The following IL1RAPL1 variants were observed in gnomAD, a reference collection of about 807,000 sequenced individuals.
IL1RAPL1 encodes interleukin-1 receptor accessory protein-like 1.
Under a neutral mutation model 48.4 loss-of-function variants are expected in IL1RAPL1, and 3 were observed. The ratio of observed to expected loss-of-function variants is 0.06; its 90% confidence interval spans 0.03 to 0.16. IL1RAPL1 has a LOEUF of 0.16. Among genes scored for constraint, IL1RAPL1 ranks in the 10% least tolerant of loss-of-function variants. IL1RAPL1 has a pLI of 1.00. For synonymous variants in IL1RAPL1, 185 were observed against 187.7 expected, an observed-to-expected ratio of 0.99 and a Z score of 0.12; for missense variants, 349 against 530.6, an observed-to-expected ratio of 0.66 and a Z score of 3.36.
At chrX:28,759,239 A>G (rs1936138400) in intron 1 of IL1RAPL1, among the ~76,000 whole-genome samples, 2 of 30,396 alleles carry the variant, frequency 6.6e-5, no homozygotes, top group South Asian at 2.4e-3. Flanking sequence ...ACTCCATCTC[A>G]AAAAAAAAAA....
chrX:28,657,358 T>C (rs888838820), intron 1 of IL1RAPL1, among the ~76,000 whole-genome samples: 6 of 112,109 alleles, frequency 5.4e-5, no homozygotes, highest in South Asian at 7.3e-4. Context: ...CCAGTTCCAG[T>C]AAAATTCAGA....
intron 3 of IL1RAPL1, among the ~76,000 whole-genome samples, chrX:29,381,525 A>C (rs1216812525): frequency 1.9e-4 from 18 of 95,904 alleles, no homozygotes; most frequent in Admixed American, 4.7e-4. Flanking sequence ...AAAAAAAAAA[A>C]AAAACTTAGC....
At chrX:29,153,385 A>G (rs1453499104) in intron 2 of IL1RAPL1, among the ~76,000 whole-genome samples, 1 of 111,677 alleles carries the variant, frequency 9.0e-6, no homozygotes, top group Non-Finnish European at 1.9e-5. Context: ...TTGGGAGGCC[A>G]TTATTCTGCC....
At chrX:29,161,231 A>G (rs1255028384) in intron 2 of IL1RAPL1, among the ~76,000 whole-genome samples, 1 of 111,638 alleles carries the variant, frequency 9.0e-6, no homozygotes, top group East Asian at 2.8e-4. Flanking sequence ...AAATGAGGCA[A>G]TCAATTACTG....
At chrX:28,853,586 G>A (rs935797442) in intron 2 of IL1RAPL1, among the ~76,000 whole-genome samples, 1 of 111,327 alleles carries the variant, frequency 9.0e-6, no homozygotes, top group African/African-American at 3.3e-5. Context: ...AATAAAGGCA[G>A]CCATAATGTA....
intron 3 of IL1RAPL1, among the ~76,000 whole-genome samples, chrX:29,337,895 G>A (rs1278975216): frequency 2.7e-5 from 3 of 110,914 alleles, no homozygotes; most frequent in African/African-American, 6.6e-5. Flanking sequence ...GGCTGGTCTC[G>A]AACTCCTGAC....
chrX:29,933,271 C>T (rs146280041), intron 8 of IL1RAPL1, among the ~76,000 whole-genome samples: 1,752 of 110,953 alleles, frequency 0.016, 38 homozygotes, highest in African/African-American at 0.054. Flanking sequence ...CACCATGCCA[C>T]GTGTATACCT....
chrX:29,782,888 ATTTTTTTTTTTTTT>A (rs780831874), intron 6 of IL1RAPL1, among the ~76,000 whole-genome samples: 25 of 31,071 alleles, frequency 8.0e-4, no homozygotes, highest in South Asian at 6.0e-3. Flanking sequence ...TGATCGTGAC[ATTTTTTTTTTTTTT>A]TTTTTTTTTT....
intron 5 of IL1RAPL1, among the ~76,000 whole-genome samples, chrX:29,566,289 T>C (rs1051330153): frequency 8.9e-6 from 1 of 112,119 alleles, no homozygotes; most frequent in Non-Finnish European, 1.9e-5. Flanking sequence ...GAAATATTTA[T>C]GTAAACTAAA....
chrX:29,220,670 T>G (rs1264763751), intron 2 of IL1RAPL1, among the ~76,000 whole-genome samples: 1 of 111,891 alleles, frequency 8.9e-6, no homozygotes, highest in African/African-American at 3.2e-5. Flanking sequence ...GAGCAGAAAA[T>G]CTAACATAAT....
chrX:29,332,095 C>CTTTTTTTTTTTTTTT (rs72360733), intron 3 of IL1RAPL1, among the ~76,000 whole-genome samples: 5 of 27,889 alleles, frequency 1.8e-4, no homozygotes, highest in Admixed American at 7.5e-4. Flanking sequence ...ATTCTAAGGT[C>CTTTTTTTTTTTTTTT]TTTTTTTTTT....
At chrX:29,190,265 C>G (rs753017135) in intron 2 of IL1RAPL1, among the ~76,000 whole-genome samples, 2 of 111,920 alleles carry the variant, frequency 1.8e-5, no homozygotes, top group African/African-American at 3.2e-5. Flanking sequence ...GGATCATACG[C>G]TATTTGGTAT....
chrX:28,599,456 A>G (rs1475492575), intron 1 of IL1RAPL1, among the ~76,000 whole-genome samples: 2 of 110,910 alleles, frequency 1.8e-5, no homozygotes, highest in African/African-American at 6.6e-5. Flanking sequence ...TTCCAACCAC[A>G]ATGGCACAGG....
chrX:28,682,997 T>C (rs996658605), intron 1 of IL1RAPL1, among the ~76,000 whole-genome samples: 2 of 112,162 alleles, frequency 1.8e-5, no homozygotes. Context: ...TAGTTTACAA[T>C]TGGGGATGAC....
intron 6 of IL1RAPL1, among the ~76,000 whole-genome samples, chrX:29,886,932 CACA>C (rs1932180086): frequency 1.8e-5 from 2 of 111,793 alleles, no homozygotes; most frequent in Admixed American, 1.9e-4. Flanking sequence ...TTTCTAATTT[CACA>C]ACTTTAGCCC....
chrX:28,812,490 AT>A (rs1039873982), intron 2 of IL1RAPL1, among the ~76,000 whole-genome samples: 14 of 110,756 alleles, frequency 1.3e-4, no homozygotes, highest in African/African-American at 4.2e-4. Context: ...TGTAATTAAA[AT>A]GTCAAACTTA....
At chrX:29,822,390 CTG>C (rs953955088) in intron 6 of IL1RAPL1, among the ~76,000 whole-genome samples, 4 of 110,104 alleles carry the variant, frequency 3.6e-5, no homozygotes, top group Non-Finnish European at 7.6e-5. Flanking sequence ...TAATATGTAT[CTG>C]TAATTTTTAT....
intron 2 of IL1RAPL1, among the ~76,000 whole-genome samples, chrX:29,016,589 G>A (rs1359588428): frequency 4.5e-5 from 5 of 110,849 alleles, no homozygotes; most frequent in South Asian, 3.8e-4. Flanking sequence ...TACAGAAAAG[G>A]AACAAAATGT....
intron 5 of IL1RAPL1, among the ~76,000 whole-genome samples, chrX:29,465,218 A>G (rs1215875139): frequency 1.8e-5 from 2 of 111,230 alleles, no homozygotes; most frequent in East Asian, 5.7e-4. Flanking sequence ...CAGCCTGGGC[A>G]ACATAGTGAG....
Sources: gnomAD v4.1 joint callset for allele counts (sites outside exome capture counted in the v4.1 genomes callset) on GRCh38, gnomAD v4.1.1 for gene constraint, MANE v1.5 for transcripts, NCBI Gene and HGNC (gene_info 2026-07-23, HGNC 2026-07-21) for gene names.